The following USP24 variants were observed in gnomAD, a reference collection of about 807,000 sequenced individuals.
The protein encoded by USP24 is ubiquitin specific peptidase 24.
A neutral mutation model predicts 361.6 loss-of-function variants in USP24; 97 were observed. The ratio of observed to expected loss-of-function variants is 0.27; its 90% confidence interval spans 0.23 to 0.32. The LOEUF is 0.32. Ranked by LOEUF, USP24 falls within the 10% of genes least tolerant of loss-of-function variation. USP24 has a pLI of 1.00. For synonymous variants in USP24, 1,098 were observed against 1,124.6 expected, an observed-to-expected ratio of 0.98 and a Z score of 0.47; for missense variants, 2,353 against 3,165.6, an observed-to-expected ratio of 0.74 and a Z score of 6.16.
chr1:55,091,065 C>G (rs1364252947), intron 54 of USP24, among the ~76,000 whole-genome samples: 1 of 152,112 alleles, frequency 6.6e-6, no homozygotes, highest in Non-Finnish European at 1.5e-5. Context: ...GTCTGGGCAA[C>G]AGAGTGAGAC....
intron 10 of USP24, 112 bp downstream of exon 10, chr1:55,158,766 T>C: frequency 1.1e-6 from 1 of 947,074 alleles, no homozygotes; most frequent in Non-Finnish European, 1.4e-6. Flanking sequence ...CTTTTTTATA[T>C]GATTACAATA....
chr1:55,131,251 A>C lies in USP24; in HGVS notation c.3537+1294T>G, dbSNP rs1390213334. Among the ~76,000 whole-genome samples, 2 of 152,192 alleles carry C rather than the reference A, an allele frequency of 1.3e-5. 1 individual carries two copies. Among genetic ancestry groups the C allele is most frequent in the Non-Finnish European group, 2.9e-5 (2 of 68,028 alleles). On this transcript the variant is annotated intron_variant, in intron 31 of 67. Transcript: ENST00000294383. ...TTTTATTTTTTGACATCTGTTTATT[A>C]AACAGGGTGAACATTAAGTTAGTAT...
chr1:55,081,487 G>T, intron 58 of USP24, 63 bp from the exon 59 acceptor site: 2 of 1,453,368 alleles, frequency 1.4e-6, no homozygotes, highest in Non-Finnish European at 9.7e-7. Flanking sequence ...GAAGAGGAAG[G>T]GACAGGGTTT....
intron 64 of USP24, among the ~76,000 whole-genome samples, chr1:55,073,455 G>T: frequency 6.6e-6 from 1 of 152,150 alleles, no homozygotes; most frequent in East Asian, 1.9e-4. Context: ...GACATGATTT[G>T]AAAGGCTATT....
chr1:55,134,488 A>C, intron 28 of USP24, 75 bp from the exon 29 acceptor site: 1 of 1,295,078 alleles, frequency 7.7e-7, no homozygotes, highest in Non-Finnish European at 1.1e-6. Context: ...CTTACAAACA[A>C]TAAAAATACT....
At chr1:55,121,250 G>A (rs1052275776) in intron 37 of USP24, among the ~76,000 whole-genome samples, 186 bp downstream of exon 37, 1 of 152,146 alleles carries the variant, frequency 6.6e-6, no homozygotes, top group Non-Finnish European at 1.5e-5. Context: ...ATATGGAGGA[G>A]GTAGTAGAAG....
intron 39 of USP24, among the ~76,000 whole-genome samples, chr1:55,109,323 C>T (rs914093411): frequency 1.3e-5 from 2 of 152,220 alleles, no homozygotes; most frequent in Non-Finnish European, 2.9e-5. Context: ...AAAGCATCTG[C>T]CACCATAGAA....
chr1:55,079,841 TCACACACA>T, intron 59 of USP24, among the ~76,000 whole-genome samples, 182 bp from the exon 60 acceptor site: 1 of 151,392 alleles, frequency 6.6e-6, no homozygotes, highest in Middle Eastern at 3.4e-3. Context: ...CACACAGTAC[TCACACACA>T]GAGTACTCGT....
chr1:55,145,065 T>C (rs1032643196), intron 20 of USP24, among the ~76,000 whole-genome samples: 3 of 152,190 alleles, frequency 2.0e-5, no homozygotes, highest in Admixed American at 6.5e-5. Context: ...CCCTCATATA[T>C]TGCTGGTGGG....
chr1:55,170,790 T>A (rs1649363376), intron 5 of USP24, among the ~76,000 whole-genome samples: 1 of 152,226 alleles, frequency 6.6e-6, no homozygotes, highest in South Asian at 2.1e-4. Flanking sequence ...TTTATTATGC[T>A]GTCATTTTTT....
intron 7 of USP24, among the ~76,000 whole-genome samples, chr1:55,163,557 C>T (rs1216893573): frequency 6.6e-6 from 1 of 151,886 alleles, no homozygotes; most frequent in Non-Finnish European, 1.5e-5. Context: ...AATAAAATAC[C>T]ATTTTTTGTC....
At chr1:55,178,582 TG>T (rs1650229680) in intron 1 of USP24, among the ~76,000 whole-genome samples, 1 of 151,840 alleles carries the variant, frequency 6.6e-6, no homozygotes, top group East Asian at 1.9e-4. Flanking sequence ...GGCAGGAGAA[TG>T]GCGTGAACCC....
At chr1:55,159,781 G>A (rs2100760195) in intron 8 of USP24, 96 bp from the exon 9 acceptor site, 1 of 1,151,562 alleles carries the variant, frequency 8.7e-7, no homozygotes, top group Non-Finnish European at 1.2e-6. Context: ...AGGAGAAGGT[G>A]CAATGAAAAG....
intron 30 of USP24, among the ~76,000 whole-genome samples, 165 bp from the exon 31 acceptor site, chr1:55,132,865 A>G (rs1029544663): frequency 2.6e-5 from 4 of 152,236 alleles, no homozygotes; most frequent in African/African-American, 9.6e-5. Context: ...CGTAACTATT[A>G]AAACATCAAA....
chr1:55,147,601 G>T, intron 18 of USP24, 48 bp downstream of exon 18: 1 of 1,515,810 alleles, frequency 6.6e-7, no homozygotes. Context: ...GTATAAAAAG[G>T]TCAAATTAAT....
chr1:55,186,486 G>C lies in USP24; in HGVS notation c.325-8354C>G, dbSNP rs115620074. Among the ~76,000 whole-genome samples the C allele has an allele frequency of 5.2e-4, 79 of 152,200 alleles. 1 individual carries two copies. Among genetic ancestry groups the C allele is most frequent in the African/African-American group, 1.8e-3 (75 of 41,524 alleles). Reference sequence around the variant, plus strand: ...TATTTGTACACCCATGTTCATAACCGAATTATTCACAATAGCCAAAAGGTG... The same window carrying C: ...TATTTGTACACCCATGTTCATAACCCAATTATTCACAATAGCCAAAAGGTG... On this transcript the variant is annotated intron_variant, in intron 1 of 67. Transcript: ENST00000294383.
chr1:55,163,060 G>A (rs1408264025), intron 7 of USP24, among the ~76,000 whole-genome samples: 1 of 151,538 alleles, frequency 6.6e-6, no homozygotes, highest in Non-Finnish European at 1.5e-5. Flanking sequence ...TTCAACAGAG[G>A]ATCTAACAAC....
intron 1 of USP24, among the ~76,000 whole-genome samples, chr1:55,213,856 A>G (rs1644910813): frequency 6.6e-6 from 1 of 152,028 alleles, no homozygotes; most frequent in Non-Finnish European, 1.5e-5. Flanking sequence ...GATCAAAGCC[A>G]TTAGCCTCAA....
chr1:55,077,327 A>C (rs1021669279), intron 61 of USP24, 27 bp from the exon 62 acceptor site: 5 of 1,535,424 alleles, frequency 3.3e-6, no homozygotes, highest in Non-Finnish European at 4.4e-6. Context: ...AAGCATAAAA[A>C]CTTCAGTGGA....
Sources: allele counts gnomAD v4.1 joint callset (sites outside exome capture counted in the v4.1 genomes callset), GRCh38; gene constraint gnomAD v4.1.1; transcripts MANE v1.5; gene names NCBI Gene and HGNC (gene_info 2026-07-23, HGNC 2026-07-21).